KCNT2: variants seen among roughly 807,000 people sequenced by gnomAD.
KCNT2 encodes potassium channel subfamily T member 2.
In KCNT2, 67 loss-of-function variants were observed where a neutral mutation model predicts 153.8. The ratio of observed to expected loss-of-function variants is 0.44; its 90% CI spans 0.36 to 0.53. KCNT2 has a LOEUF of 0.53. Ranked by LOEUF, KCNT2 falls within the 20% of genes least tolerant of loss-of-function variation. The pLI is 0.00. For missense variants in KCNT2, 975 were observed against 1,354.8 expected (o/e 0.72, Z 4.40); for synonymous variants, 500 against 458.8 (o/e 1.09, Z -1.15).
intron 12 of KCNT2, among the ~76,000 whole-genome samples, chr1:196,413,724 T>C (rs1181081243): frequency 1.3e-5 from 2 of 151,768 alleles, no homozygotes; most frequent in African/African-American, 2.4e-5. Flanking sequence ...AAAAAAGTGC[T>C]ATGGCACTTT....
At chr1:196,596,423 C>T (rs1215711913) in intron 1 of KCNT2, among the ~76,000 whole-genome samples, 2 of 152,038 alleles carry the variant, frequency 1.3e-5, no homozygotes, top group African/African-American at 4.8e-5. Context: ...CATGGCCATT[C>T]TTGTGGGAGT....
intron 8 of KCNT2, 60 bp downstream of exon 8, chr1:196,465,233 T>A: frequency 3.4e-6 from 3 of 894,062 alleles, no homozygotes; most frequent in Non-Finnish European, 5.3e-6. Flanking sequence ...ATAATATGGT[T>A]TCCTTTAGAA....
At chr1:196,542,738 G>C (rs1288464624) in intron 1 of KCNT2, among the ~76,000 whole-genome samples, 1 of 152,038 alleles carries the variant, frequency 6.6e-6, no homozygotes, top group Admixed American at 6.6e-5. Flanking sequence ...TAGGGGTAAG[G>C]TGCCAAACTT....
intron 15 of KCNT2, among the ~76,000 whole-genome samples, chr1:196,341,674 C>T (rs971295965): frequency 6.6e-6 from 1 of 150,794 alleles, no homozygotes; most frequent in Non-Finnish European, 1.5e-5. Flanking sequence ...TAACTTATTT[C>T]TCAGGCCAAA....
At chr1:196,429,784 T>C (rs375419208) in intron 8 of KCNT2, 27 bp from the exon 9 acceptor site, 49 of 1,499,356 alleles carry the variant, frequency 3.3e-5, no homozygotes, top group Non-Finnish European at 4.3e-5. Context: ...GCATTACAAT[T>C]AAATCTTTCA....
intron 1 of KCNT2, among the ~76,000 whole-genome samples, chr1:196,536,324 C>G (rs1039756980): frequency 6.6e-6 from 1 of 152,220 alleles, no homozygotes; most frequent in African/African-American, 2.4e-5. Context: ...CAGTTAACCA[C>G]AAGGTTAAGC....
At chr1:196,445,899 T>A (rs1388687002) in intron 8 of KCNT2, among the ~76,000 whole-genome samples, 2 of 149,668 alleles carry the variant, frequency 1.3e-5, no homozygotes, top group Non-Finnish European at 3.0e-5. Flanking sequence ...GAATGGCCTC[T>A]TAGACCAAAA....
rs186046069 is a variant in KCNT2 at position 196,605,700 on chromosome 1, G to A, written c.95+2515C>T. Among the ~76,000 whole-genome samples the A allele has an allele frequency of 2.5e-3, 382 of 152,224 alleles. 3 individuals carry two copies. The highest frequency in any genetic ancestry group is 0.015 in the South Asian group (74 of 4,824). The stretch of plus-strand genomic sequence containing the variant: ...TGAGTAGAATGAGATTGCTATCCAG[G>A]CGTAATTGCAAAGAGGAATTTGTCA... On this transcript the variant is annotated intron_variant, in intron 1 of 27. Coordinates refer to ENST00000294725, the MANE Select transcript of KCNT2 (RefSeq NM_198503.5).
intron 14 of KCNT2, among the ~76,000 whole-genome samples, chr1:196,350,096 C>A (rs537613029): frequency 6.6e-6 from 1 of 152,180 alleles, no homozygotes; most frequent in Admixed American, 6.5e-5. Flanking sequence ...TTTCTTAATC[C>A]AGTCTATCAT....
intron 1 of KCNT2, among the ~76,000 whole-genome samples, chr1:196,522,358 A>G (rs545122106): frequency 3.9e-5 from 6 of 152,322 alleles, no homozygotes; most frequent in African/African-American, 1.4e-4. Flanking sequence ...TTACTACTAG[A>G]GGTACCAGCA....
intron 5 of KCNT2, among the ~76,000 whole-genome samples, chr1:196,470,420 A>G (rs564335937): frequency 6.6e-6 from 1 of 152,314 alleles, no homozygotes; most frequent in South Asian, 2.1e-4. Flanking sequence ...AATGGAACCT[A>G]TGGTCATTTA....
At chr1:196,592,880 A>G (rs1663551929) in intron 1 of KCNT2, among the ~76,000 whole-genome samples, 1 of 149,668 alleles carries the variant, frequency 6.7e-6, no homozygotes, top group Non-Finnish European at 1.5e-5. Context: ...TATTAAATTT[A>G]ATAAAAATTA....
chr1:196,455,094 C>T (rs902453177), intron 8 of KCNT2, among the ~76,000 whole-genome samples: 2 of 151,850 alleles, frequency 1.3e-5, no homozygotes, highest in Non-Finnish European at 2.9e-5. Context: ...CTGGTCCTTC[C>T]CATACTTCAT....
intron 1 of KCNT2, among the ~76,000 whole-genome samples, chr1:196,500,108 C>A (rs1310956488): frequency 6.6e-6 from 1 of 150,404 alleles, no homozygotes; most frequent in East Asian, 2.0e-4. Flanking sequence ...TGCACAACTG[C>A]ACTCCAGCCT....
At chr1:196,586,624 T>C (rs979873111) in intron 1 of KCNT2, among the ~76,000 whole-genome samples, 18 of 152,046 alleles carry the variant, frequency 1.2e-4, no homozygotes, top group African/African-American at 4.3e-4. Context: ...CCACATTTTC[T>C]ACTATGAAAC....
At chr1:196,276,713 A>C (rs568673595) in intron 25 of KCNT2, among the ~76,000 whole-genome samples, 1 of 152,178 alleles carries the variant, frequency 6.6e-6, no homozygotes, top group South Asian at 2.1e-4. Flanking sequence ...TATCTGATTT[A>C]TTCTACTCTT....
chr1:196,506,350 AAAAT>A (rs1681141702), intron 1 of KCNT2, among the ~76,000 whole-genome samples: 2 of 152,178 alleles, frequency 1.3e-5, no homozygotes, highest in Non-Finnish European at 2.9e-5. Context: ...AAACGTTCCT[AAAAT>A]AAACGTATAA....
intron 12 of KCNT2, among the ~76,000 whole-genome samples, chr1:196,422,788 G>T (rs1408133646): frequency 6.6e-6 from 1 of 151,690 alleles, no homozygotes; most frequent in East Asian, 1.9e-4. Context: ...AATAAAAAAT[G>T]TTCCAGTTCT....
chr1:196,321,147 G>A (rs1407501223), intron 19 of KCNT2, among the ~76,000 whole-genome samples: 1 of 151,752 alleles, frequency 6.6e-6, no homozygotes, highest in East Asian at 1.9e-4. Context: ...GTGCCTTATG[G>A]TAGAGATTTC....
Sources: allele counts gnomAD v4.1 joint callset (sites outside exome capture counted in the v4.1 genomes callset), GRCh38; gene constraint gnomAD v4.1.1; transcripts MANE v1.5; gene names NCBI Gene and HGNC (gene_info 2026-07-23, HGNC 2026-07-21).